The following ETV6 variants were observed in gnomAD, a reference collection of about 807,000 sequenced individuals.
ETV6 encodes ETS variant transcription factor 6.
A neutral mutation model predicts 51.1 loss-of-function variants in ETV6; 16 were observed. That is an observed-to-expected ratio of 0.31 (90% CI 0.21 to 0.48). The LOEUF is 0.48. ETV6 is among the 20% of genes least tolerant of loss of function. The pLI is 0.99. For missense variants in ETV6, 458 were observed against 594.8 expected (o/e 0.77, Z 2.39); for synonymous variants, 240 against 224.1 (o/e 1.07, Z -0.64).
At chr12:11,759,713 C>T (rs933303458) in intron 2 of ETV6, among the ~76,000 whole-genome samples, 1 of 152,156 alleles carries the variant, frequency 6.6e-6, no homozygotes, top group Non-Finnish European at 1.5e-5. Context: ...ATGAGCTCCA[C>T]AGTCACCCTT....
intron 2 of ETV6, among the ~76,000 whole-genome samples, chr12:11,827,333 C>T (rs1038737841): frequency 2.0e-5 from 3 of 152,076 alleles, no homozygotes; most frequent in Admixed American, 6.6e-5. Context: ...CCTTTGAAAG[C>T]ACTTGGAAGC....
At chr12:11,682,409 G>A (rs1289321301) in intron 1 of ETV6, among the ~76,000 whole-genome samples, 4 of 152,038 alleles carry the variant, frequency 2.6e-5, no homozygotes, top group Admixed American at 6.6e-5. Context: ...CTTTTAGATG[G>A]GGTTGTTTTT....
At chr12:11,866,188 T>A (rs962195050) in intron 4 of ETV6, among the ~76,000 whole-genome samples, 1 of 152,208 alleles carries the variant, frequency 6.6e-6, no homozygotes, top group Non-Finnish European at 1.5e-5. Flanking sequence ...TTATAGAATC[T>A]TTATTTTGCC....
At chr12:11,882,852 A>G (rs920053083) in intron 5 of ETV6, among the ~76,000 whole-genome samples, 3 of 152,226 alleles carry the variant, frequency 2.0e-5, no homozygotes, top group African/African-American at 7.2e-5. Context: ...TCTCAACTGG[A>G]CACTCCCCTT....
intron 3 of ETV6, among the ~76,000 whole-genome samples, chr12:11,839,812 G>A (rs1343511161): frequency 6.6e-6 from 1 of 152,074 alleles, no homozygotes; most frequent in Non-Finnish European, 1.5e-5. Flanking sequence ...CCAAAGAGGT[G>A]GAGGCTGCAG....
chr12:11,715,956 G>A (rs2120903965), intron 1 of ETV6, among the ~76,000 whole-genome samples: 1 of 152,320 alleles, frequency 6.6e-6, no homozygotes, highest in East Asian at 1.9e-4. Flanking sequence ...CAGCGTCTTT[G>A]ACCTGATGGT....
chr12:11,795,388 C>T (rs1945661235), intron 2 of ETV6, among the ~76,000 whole-genome samples: 1 of 152,206 alleles, frequency 6.6e-6, no homozygotes, highest in African/African-American at 2.4e-5. Context: ...GGAACTGGTG[C>T]CCAGTTAGCA....
intron 5 of ETV6, 76 bp from the exon 6 acceptor site, chr12:11,884,369 T>C (rs1310839841): frequency 5.9e-6 from 9 of 1,531,816 alleles, no homozygotes; most frequent in Admixed American, 1.7e-5. Context: ...GTTGCTGGAT[T>C]CTTTTTTGAT....
intron 2 of ETV6, among the ~76,000 whole-genome samples, chr12:11,758,422 T>G (rs958253866): frequency 6.6e-6 from 1 of 152,222 alleles, no homozygotes; most frequent in Admixed American, 6.5e-5. Context: ...TGTCGTTGTC[T>G]GTGTGTTTCA....
chr12:11,876,512 G>A (rs977772028), intron 5 of ETV6, among the ~76,000 whole-genome samples: 14 of 152,166 alleles, frequency 9.2e-5, no homozygotes, highest in Admixed American at 2.6e-4. Context: ...CTTTAATTCC[G>A]TTAAAACCTG....
intron 1 of ETV6, among the ~76,000 whole-genome samples, chr12:11,719,017 A>C (rs1222166512): frequency 6.6e-6 from 1 of 152,212 alleles, no homozygotes; most frequent in East Asian, 1.9e-4. Context: ...TGTTTCATCC[A>C]GTCTGTTAGG....
chr12:11,690,886 C>CTAAATAAATAAATGAA (rs1864743910), intron 1 of ETV6, among the ~76,000 whole-genome samples: 1 of 140,536 alleles, frequency 7.1e-6, no homozygotes, highest in Non-Finnish European at 1.5e-5. Context: ...GACTCTGTCT[C>CTAAATAAATAAATGAA]TAAATAAATA....
chr12:11,678,445 A>G (rs1864462132), intron 1 of ETV6, among the ~76,000 whole-genome samples: 1 of 151,942 alleles, frequency 6.6e-6, no homozygotes, highest in African/African-American at 2.4e-5. Flanking sequence ...TATGCCATAT[A>G]CTCTACAACT....
chr12:11,769,614 T>C (rs544708676), intron 2 of ETV6, among the ~76,000 whole-genome samples: 1 of 152,348 alleles, frequency 6.6e-6, no homozygotes, highest in South Asian at 2.1e-4. Flanking sequence ...TAATCTTTCA[T>C]TGGCCTATAG....
intron 2 of ETV6, among the ~76,000 whole-genome samples, chr12:11,807,429 G>A (rs1272806809): frequency 6.6e-6 from 1 of 152,180 alleles, no homozygotes; most frequent in African/African-American, 2.4e-5. Context: ...TACATGCACG[G>A]TCAGAAAACG....
intron 1 of ETV6, among the ~76,000 whole-genome samples, chr12:11,658,733 G>C (rs1041057166): frequency 1.2e-4 from 19 of 152,206 alleles, no homozygotes; most frequent in African/African-American, 4.3e-4. Flanking sequence ...TTGAATACAA[G>C]CCTCAACAAT....
At chr12:11,791,136 A>G (rs1945581881) in intron 2 of ETV6, among the ~76,000 whole-genome samples, 1 of 152,180 alleles carries the variant, frequency 6.6e-6, no homozygotes, top group Admixed American at 6.5e-5. Flanking sequence ...TGAGTTTAGA[A>G]TTCCGCTTTC....
chr12:11,738,222 TTCCCTCCC>T (rs530472593), intron 1 of ETV6, among the ~76,000 whole-genome samples: 94 of 138,630 alleles, frequency 6.8e-4, no homozygotes, highest in African/African-American at 2.3e-3. Flanking sequence ...CCTTCCTTCC[TTCCCTCCC>T]TCCCTCCTTC....
In ETV6 at chr12:11,689,655, G is replaced by T. The variant is rs527925258; in HGVS notation, c.33+39495G>T. ...AAGCTGGCATCAACTGAAATTTCAGGTTAGGGGCTTGGTTTGAGGATGTTT... is the reference window on the plus strand; with the variant it reads ...AAGCTGGCATCAACTGAAATTTCAGTTTAGGGGCTTGGTTTGAGGATGTTT... On this transcript the variant is annotated intron_variant, in intron 1 of 7. Transcript: ENST00000396373. Among the ~76,000 whole-genome samples the T allele has an allele frequency of 3.9e-5, 6 of 152,160 alleles. No homozygotes were observed. The East Asian group carries it at 1.2e-3, about 29-fold the overall frequency.
Sources: allele counts gnomAD v4.1 joint callset (sites outside exome capture counted in the v4.1 genomes callset), GRCh38; gene constraint gnomAD v4.1.1; transcripts MANE v1.5; gene names NCBI Gene and HGNC (gene_info 2026-07-23, HGNC 2026-07-21).